PTPRM: variants seen among roughly 807,000 people sequenced by gnomAD.
The protein encoded by PTPRM is receptor-type tyrosine-protein phosphatase mu.
Under a neutral mutation model 186.7 loss-of-function variants are expected in PTPRM, and 47 were observed. The ratio of observed to expected loss-of-function variants is 0.25; its 90% CI spans 0.20 to 0.32. The LOEUF (loss-of-function observed/expected upper bound fraction) is 0.32. Ranked by LOEUF, PTPRM falls within the 10% of genes least tolerant of loss-of-function variation. The pLI, the probability that PTPRM is intolerant of heterozygous loss-of-function variation, is 1.00. For synonymous variants in PTPRM, 668 were observed against 674.9 expected (o/e 0.99, Z 0.16); for missense variants, 1,494 against 1,865.0 (o/e 0.80, Z 3.66).
At chr18:8,401,771 C>G (rs1269849991) in intron 32 of PTPRM, among the ~76,000 whole-genome samples, 1 of 152,250 alleles carries the variant, frequency 6.6e-6, no homozygotes, top group East Asian at 1.9e-4. Flanking sequence ...CCTCACCAAG[C>G]TAGCAGTGGC....
intron 14 of PTPRM, among the ~76,000 whole-genome samples, chr18:8,222,913 C>T (rs539954682): frequency 1.1e-4 from 8 of 73,936 alleles, no homozygotes; most frequent in African/African-American, 2.7e-4. Context: ...TATAGTGAGA[C>T]CCCCCATCTC....
intron 19 of PTPRM, among the ~76,000 whole-genome samples, chr18:8,268,354 A>G (rs1392826804): frequency 6.6e-6 from 1 of 152,156 alleles, no homozygotes; most frequent in Non-Finnish European, 1.5e-5. Flanking sequence ...AGAACTGGGT[A>G]AATTCCTAGA....
At chr18:7,590,859 C>T (rs2037106948) in intron 1 of PTPRM, among the ~76,000 whole-genome samples, 1 of 152,176 alleles carries the variant, frequency 6.6e-6, no homozygotes. Context: ...ATTTTACTTT[C>T]AGTTTTTCTG....
intron 7 of PTPRM, among the ~76,000 whole-genome samples, chr18:8,053,465 A>C (rs1452282222): frequency 6.6e-6 from 1 of 152,128 alleles, no homozygotes; most frequent in Non-Finnish European, 1.5e-5. Context: ...TCCCCCAGGA[A>C]TCAGAAACAC....
At chr18:8,073,798 C>G (rs2089637582) in intron 8 of PTPRM, among the ~76,000 whole-genome samples, 1 of 152,102 alleles carries the variant, frequency 6.6e-6, no homozygotes, top group Non-Finnish European at 1.5e-5. Context: ...CCCAGCTACT[C>G]AGAAGGTTGA....
intron 32 of PTPRM, chr18:8,403,764 C>T (rs1345968876): frequency 6.6e-6 from 1 of 152,226 alleles, no homozygotes; most frequent in Non-Finnish European, 1.5e-5. Flanking sequence ...CACCCTTCAG[C>T]TTCCAGTCTT....
At chr18:8,105,711 C>A (rs1001992917) in intron 11 of PTPRM, among the ~76,000 whole-genome samples, 1 of 152,102 alleles carries the variant, frequency 6.6e-6, no homozygotes, top group Non-Finnish European at 1.5e-5. Context: ...AAGCCCAGGG[C>A]GCCTGTGGGA....
At chr18:8,169,764 C>T (rs1228998528) in intron 14 of PTPRM, among the ~76,000 whole-genome samples, 1 of 152,122 alleles carries the variant, frequency 6.6e-6, no homozygotes, top group Non-Finnish European at 1.5e-5. Context: ...CATATATGCT[C>T]AATGGATACA....
intron 7 of PTPRM, among the ~76,000 whole-genome samples, chr18:8,065,070 T>A (rs927565494): frequency 3.3e-5 from 5 of 152,138 alleles, no homozygotes; most frequent in African/African-American, 1.2e-4. Flanking sequence ...TTGGTTGTAA[T>A]CTATGTTTTT....
chr18:8,114,754 A>G (rs956396302), intron 12 of PTPRM, 37 bp from the exon 13 acceptor site: 1 of 1,542,644 alleles, frequency 6.5e-7, no homozygotes, highest in African/African-American at 1.4e-5. Flanking sequence ...TAAAGAAAAC[A>G]TGAATAATGA....
At position 7,602,709 on chromosome 18, in the gene PTPRM, A is replaced by G. The variant is rs371182355; in HGVS notation, c.73+34818A>G. Among the ~76,000 whole-genome samples, 46 of 151,490 alleles carry G rather than the reference A, an allele frequency of 3.0e-4. No individual in the cohort carries two copies. The East Asian group carries it at 6.6e-3, about 22-fold the overall frequency. On this transcript the variant is annotated intron_variant, in intron 1 of 32. Coordinates refer to ENST00000580170, the MANE Select transcript of PTPRM (RefSeq NM_001105244.2). ...CTTTATAGAAATGTTAAATAGGACT[A>G]TTGTTTAGTTAGTCCCATTTCTCCT...
In PTPRM at chr18:8,384,630, G is replaced by C; in HGVS notation, c.3988G>C (p.Ala1330Pro). The change falls in exon 30 of 33, where the codon GCT (alanine) becomes CCT (proline). Residue 1330 changes from alanine to proline, a missense_variant. Ala to Pro is a conservative substitution (Grantham distance 27). This residue lies in a region of PTPRM where 1,107 missense variants were observed against 1,350.2 expected (regional missense o/e 0.82). Transcript: ENST00000580170. ...HGPIQVEFVS[A>P]DLEEDIISRI... ...CCCCATCCAGGTGGAATTTGTCTCTGCTGACCTGGAAGAGGACATCATCAG... is the reference window on the plus strand; with the variant it reads ...CCCCATCCAGGTGGAATTTGTCTCTCCTGACCTGGAAGAGGACATCATCAG... 1.2e-6 allele frequency: 2 copies of C among 1,614,150 alleles called. No homozygotes were observed. The highest frequency in any genetic ancestry group is 1.7e-6 in the Non-Finnish European group (2 of 1,180,004).
chr18:8,127,391 G>C (rs1409015122), intron 13 of PTPRM, among the ~76,000 whole-genome samples: 4 of 148,852 alleles, frequency 2.7e-5, no homozygotes, highest in Non-Finnish European at 5.9e-5. Flanking sequence ...CTTGGCACAT[G>C]AACGGCACTC....
At chr18:7,790,902 T>G (rs942919793) in intron 2 of PTPRM, among the ~76,000 whole-genome samples, 1 of 151,870 alleles carries the variant, frequency 6.6e-6, no homozygotes, top group Non-Finnish European at 1.5e-5. Flanking sequence ...AAAATGAAAG[T>G]TGGTTTTAAA....
chr18:7,659,741 C>A (rs1281551490), intron 1 of PTPRM, among the ~76,000 whole-genome samples: 4 of 152,156 alleles, frequency 2.6e-5, no homozygotes, highest in African/African-American at 7.2e-5. Context: ...TTTTCTTTGA[C>A]CTTTGGGGTG....
intron 14 of PTPRM, among the ~76,000 whole-genome samples, chr18:8,166,329 T>C (rs2093323987): frequency 6.6e-6 from 1 of 152,114 alleles, no homozygotes; most frequent in Non-Finnish European, 1.5e-5. Context: ...CAGCCTCTTT[T>C]CTGTAATTGA....
intron 2 of PTPRM, among the ~76,000 whole-genome samples, chr18:7,818,378 T>C (rs1568173900): frequency 6.6e-6 from 1 of 152,170 alleles, no homozygotes; most frequent in Non-Finnish European, 1.5e-5. Flanking sequence ...GACTCCATCC[T>C]AGGGTAAGAT....
intron 2 of PTPRM, among the ~76,000 whole-genome samples, chr18:7,837,880 G>T (rs962418024): frequency 4.6e-5 from 7 of 152,186 alleles, no homozygotes; most frequent in African/African-American, 1.4e-4. Flanking sequence ...TCCGGGCATG[G>T]AAGAGTTAGG....
At chr18:7,570,860 A>G (rs1438487568) in intron 1 of PTPRM, among the ~76,000 whole-genome samples, 1 of 152,142 alleles carries the variant, frequency 6.6e-6, no homozygotes, top group Non-Finnish European at 1.5e-5. Flanking sequence ...TAGAATGCTA[A>G]ACTTACTGGA....
Sources: gnomAD v4.1 joint callset for allele counts (sites outside exome capture counted in the v4.1 genomes callset) on GRCh38, gnomAD v4.1.1 for gene constraint, gnomAD v4.1.1 regional missense constraint, MANE v1.5 for transcripts, NCBI Gene and HGNC (gene_info 2026-07-23, HGNC 2026-07-21) for gene names.